Variants in ZNF704 observed in about 807,000 individuals in gnomAD.
The protein encoded by ZNF704 is zinc finger protein 704, also known as glucocorticoid induced gene 1.
A neutral mutation model predicts 44.7 loss-of-function variants in ZNF704; 10 were observed. The observed-to-expected ratio is 0.22, with a 90% CI of 0.14 to 0.38. ZNF704 has a LOEUF of 0.38. ZNF704 is among the 10% of genes least tolerant of loss of function. ZNF704 has a pLI of 1.00. For synonymous variants in ZNF704, 211 were observed against 207.6 expected (o/e 1.02, Z -0.14); for missense variants, 390 against 545.5 (o/e 0.71, Z 2.84).
chr8:80,874,377 G>A lies in ZNF704; in HGVS notation c.-22+194C>T, dbSNP rs1357870754. On this transcript the variant is annotated intron_variant, in intron 1 of 8. Coordinates refer to ENST00000327835, the MANE Select transcript of ZNF704 (RefSeq NM_001033723.3). This position sits in a 1 kb window ranked among gnomAD's most constrained non-coding sequence, Gnocchi z 4.4. ...GGGCCGCGCTGCGCTCCATGCGGCC[G>A]GCGGCCGAGCCCGCGCGCGCCTCTC... 6.8e-6 allele frequency among the ~76,000 whole-genome samples: 1 copy of A among 146,388 alleles called. No individual in the cohort carries two copies. The highest frequency in any genetic ancestry group is 6.8e-5 in the Admixed American group (1 of 14,796).
chr8:80,741,661 T>C (rs113671581), intron 2 of ZNF704, among the ~76,000 whole-genome samples: 2,561 of 152,310 alleles, frequency 0.017, 80 homozygotes, highest in African/African-American at 0.058. Flanking sequence ...GTGCAACTCT[T>C]AACCCAGCCA....
In ZNF704 at chr8:80,874,390, G is replaced by A. The variant is rs1245915465; in HGVS notation, c.-22+181C>T. On this transcript the variant is annotated intron_variant, in intron 1 of 8. Transcript: ENST00000327835. The surrounding 1 kb of genome is among the most constrained non-coding windows in gnomAD (Gnocchi z 4.4). ...CTCCATGCGGCCGGCGGCCGAGCCC[G>A]CGCGCGCCTCTCCCGGCCGGCTGCG... is the stretch of plus-strand genomic sequence containing the variant. Among the ~76,000 whole-genome samples, 6 of 147,186 alleles carry A rather than the reference G, an allele frequency of 4.1e-5. No individual in the cohort carries two copies. Among genetic ancestry groups the A allele is most frequent in the African/African-American group, 1.5e-4 (6 of 40,874 alleles).
chr8:80,862,515 T>C (rs966624160), intron 1 of ZNF704, among the ~76,000 whole-genome samples: 5 of 150,022 alleles, frequency 3.3e-5, no homozygotes, highest in Admixed American at 2.0e-4. Flanking sequence ...ACTCCAGCAC[T>C]TTGGGAGGCC....
chr8:80,679,434 C>A (rs1208685774), intron 4 of ZNF704, among the ~76,000 whole-genome samples: 3 of 149,544 alleles, frequency 2.0e-5, no homozygotes, highest in South Asian at 2.1e-4. Flanking sequence ...TGGGTCCAAG[C>A]CTGCCCAAGA....
chr8:80,670,679 T>A (rs1485434233), intron 4 of ZNF704, 76 bp from the exon 5 acceptor site: 2 of 1,095,516 alleles, frequency 1.8e-6, no homozygotes, highest in Non-Finnish European at 2.8e-6. Context: ...CCCAACATAT[T>A]TTTTTCCTTC....
At chr8:80,781,461 ATTC>A (rs1463383754) in intron 2 of ZNF704, among the ~76,000 whole-genome samples, 2 of 152,196 alleles carry the variant, frequency 1.3e-5, no homozygotes, top group Non-Finnish European at 2.9e-5. Context: ...ATGAAATATT[ATTC>A]TTCTTTTGAT....
intron 2 of ZNF704, among the ~76,000 whole-genome samples, chr8:80,787,773 T>C (rs1232759004): frequency 2.0e-5 from 3 of 152,140 alleles, no homozygotes; most frequent in South Asian, 2.1e-4. Context: ...TCAGTTCACA[T>C]TGCACCTTAT....
intron 1 of ZNF704, among the ~76,000 whole-genome samples, chr8:80,835,265 C>T (rs1442127248): frequency 1.3e-5 from 2 of 152,136 alleles, no homozygotes; most frequent in Non-Finnish European, 2.9e-5. Flanking sequence ...GCTAAATTCA[C>T]TTGTATATTT....
chr8:80,878,294 A>AAGGAAGGAAGGAAGGAAGGT (rs1554590345), upstream of ZNF704, among the ~76,000 whole-genome samples: 14 of 151,430 alleles, frequency 9.2e-5, no homozygotes, highest in African/African-American at 2.9e-4. Context: ...GGAAGGAAGG[A>AAGGAAGGAAGGAAGGAAGGT]AGGAAGGAAG....
chr8:80,837,783 T>C (rs916556526), intron 1 of ZNF704, among the ~76,000 whole-genome samples: 1 of 152,232 alleles, frequency 6.6e-6, no homozygotes, highest in African/African-American at 2.4e-5. Context: ...GCAGCTGTTC[T>C]ACTGAAGAAT....
Position 80,632,461 on chromosome 8 carries a change from G to C in ZNF704, c.*8905C>G. Reference sequence around the variant, plus strand: ...CTGCCTTGGACTCCCAAAGTGCTGGGATTATAGGCGTGAACCACTGCATCT... The same window carrying C: ...CTGCCTTGGACTCCCAAAGTGCTGGCATTATAGGCGTGAACCACTGCATCT... On this transcript the variant is annotated 3_prime_UTR_variant, in exon 9 of 9. Transcript: ENST00000327835. 6.6e-6 allele frequency: 1 copy of C among 152,320 alleles called. No individual in the cohort carries two copies. The highest frequency in any genetic ancestry group is 1.5e-5 in the Non-Finnish European group (1 of 68,046). 9.4% of individuals were successfully genotyped at this position (152,320 alleles called of 1,614,324 possible).
rs533866766 is a variant in ZNF704 at position 80,645,137 on chromosome 8, G to A, written c.1033-2008C>T. 223 of 1,607,798 alleles carry A rather than the reference G, an allele frequency of 1.4e-4. No individual in the cohort carries two copies. In the Middle Eastern group the frequency reaches 2.0e-3, roughly 15 times the overall value. ...GTCGATACTCAAACTCCTCGTCGTCGTATTTGTCCAAATAGTAAATTTGTT... is the reference window on the plus strand; with the variant it reads ...GTCGATACTCAAACTCCTCGTCGTCATATTTGTCCAAATAGTAAATTTGTT... On this transcript the variant is annotated intron_variant, in intron 7 of 8. Transcript: ENST00000327835.
chr8:80,773,824 C>T (rs762057789), intron 2 of ZNF704, among the ~76,000 whole-genome samples: 1 of 152,108 alleles, frequency 6.6e-6, no homozygotes, highest in Non-Finnish European at 1.5e-5. Flanking sequence ...TTTGTTTCAA[C>T]CATGTTCCTA....
intron 2 of ZNF704, chr8:80,694,224 C>A (rs1204147480): frequency 6.6e-6 from 1 of 152,096 alleles, no homozygotes; most frequent in Non-Finnish European, 1.5e-5. Flanking sequence ...GGAATAGTTA[C>A]CATGTTGTTA....
At chr8:80,664,774 C>A (rs1310238917) in intron 6 of ZNF704, 41 bp downstream of exon 6, 1 of 1,608,474 alleles carries the variant, frequency 6.2e-7, no homozygotes, top group African/African-American at 1.3e-5. Context: ...TGGTTTTGGT[C>A]AAGGTCAAAG....
intron 2 of ZNF704, among the ~76,000 whole-genome samples, chr8:80,705,486 G>A (rs1460414258): frequency 6.6e-6 from 1 of 151,120 alleles, no homozygotes; most frequent in Non-Finnish European, 1.5e-5. Context: ...TGTGTGTCTG[G>A]GTCCTCTGTG....
At chr8:80,729,294 G>C (rs1585985582) in intron 2 of ZNF704, among the ~76,000 whole-genome samples, 1 of 152,054 alleles carries the variant, frequency 6.6e-6, no homozygotes, top group African/African-American at 2.4e-5. Flanking sequence ...TTTGGATTTG[G>C]GTACAATCTA....
At chr8:80,837,633 A>ACTG (rs1427365830) in intron 1 of ZNF704, among the ~76,000 whole-genome samples, 1 of 152,144 alleles carries the variant, frequency 6.6e-6, no homozygotes, top group African/African-American at 2.4e-5. Flanking sequence ...CTACTCCCCC[A>ACTG]ATGAGTTTTA....
intron 1 of ZNF704, among the ~76,000 whole-genome samples, chr8:80,863,488 A>G (rs1809103745): frequency 6.6e-6 from 1 of 152,182 alleles, no homozygotes; most frequent in South Asian, 2.1e-4. Flanking sequence ...GAAATGTTTG[A>G]CAAATATCTG....
Sources: allele counts gnomAD v4.1 joint callset (sites outside exome capture counted in the v4.1 genomes callset), GRCh38; gene constraint gnomAD v4.1.1; non-coding constraint Gnocchi (gnomAD v3.1); transcripts MANE v1.5; gene names NCBI Gene and HGNC (gene_info 2026-07-23, HGNC 2026-07-21).